The following CYP4F11 variants were observed in gnomAD, a reference collection of about 807,000 sequenced individuals.
CYP4F11 encodes the protein cytochrome P450 4F11.
Under a neutral mutation model 62.2 loss-of-function variants are expected in CYP4F11, and 79 were observed. The ratio of observed to expected loss-of-function variants is 1.27; its 90% confidence interval spans 1.06 to 1.53. The LOEUF is 1.53. Ranked by LOEUF, CYP4F11 falls within the 40% of genes most tolerant of loss-of-function variation. CYP4F11 has a pLI of 0.00. For synonymous variants in CYP4F11, 290 were observed against 263.7 expected (o/e 1.10, Z -0.97); for missense variants, 777 against 680.5 (o/e 1.14, Z -1.58).
At chr19:15,914,545 C>T in intron 10 of CYP4F11, 57 bp downstream of exon 10, 1 of 1,603,574 alleles carries the variant, frequency 6.2e-7, no homozygotes. Context: ...AACCCTGTCA[C>T]CTCCTCTAGG....
At position 15,913,477 on chromosome 19, in the gene CYP4F11, T is replaced by C; in HGVS notation, c.*255A>G. On this transcript the variant is annotated 3_prime_UTR_variant, in exon 12 of 12. Transcript: ENST00000402119. ...TGCTCAAACACCTCCCAGGGCTCCC[T>C]ACTGCCCACAGGATAAAGTTTTTAC... 1.9e-6 allele frequency: 1 copy of C among 514,460 alleles called. No individual in the cohort carries two copies. Among genetic ancestry groups the C allele is most frequent in the Non-Finnish European group, 3.5e-6 (1 of 284,126 alleles). 31.9% of individuals were successfully genotyped at this position (514,460 alleles called of 1,614,324 possible).
At position 15,913,825 on chromosome 19, in the gene CYP4F11, G is replaced by A. The variant is rs2089558039; in HGVS notation, c.1482C>T (p.Thr494=). The A allele has an allele frequency of 6.2e-7, 1 of 1,614,040 alleles. No individual in the cohort carries two copies. The highest frequency in any genetic ancestry group is 1.3e-5 in the African/African-American group (1 of 74,910). The change falls in exon 12 of 12, where the codon ACC becomes ACT. Residue 494 remains threonine, a synonymous_variant. Transcript: ENST00000402119. ...CGGGTTTCCTGCGGGGTTCAGTGTG[G>A]GTCGGCAGGATGCGGAAGTGCAGCA... ...LTLLHFRILP[T]HTEPRRKPEL...
chr19:15,913,858 C>A lies in CYP4F11; in HGVS notation c.1449G>T (p.Ala483=). The A allele has an allele frequency of 6.2e-7, 1 of 1,614,084 alleles. No homozygotes were observed. The highest frequency in any genetic ancestry group is 8.5e-7 in the Non-Finnish European group (1 of 1,180,000). The change falls in exon 12 of 12, where the codon GCG becomes GCT. Residue 483 remains alanine (A), a synonymous_variant. Transcript: ENST00000402119. ...GGATGCGGAAGTGCAGCAGGGTGAG[C>A]GCCAGGACCACCTTCATCTCAGCCA... is the stretch of plus-strand genomic sequence containing the variant. ...FAMAEMKVVL[A]LTLLHFRILP...
In CYP4F11 at chr19:15,934,514, G is replaced by T; in HGVS notation, c.-106C>A. The stretch of plus-strand genomic sequence containing the variant: ...GCAAGGATGGGCAGTGCTGGAGGCA[G>T]ATCAGGGAAGGCTCTGAGATGGGTA... On this transcript the variant is annotated 5_prime_UTR_variant, in exon 1 of 12. It adds an upstream start codon to the 5' untranslated region. Coordinates refer to ENST00000402119, the MANE Select transcript of CYP4F11 (RefSeq NM_021187.4). 1 of 1,335,550 alleles carries T rather than the reference G, an allele frequency of 7.5e-7. No individual in the cohort carries two copies. The highest frequency in any genetic ancestry group is 1.4e-5 in the South Asian group (1 of 71,412). 82.7% of individuals were successfully genotyped at this position (1,335,550 alleles called of 1,614,324 possible). A position where few individuals can be genotyped will look rare whatever the true frequency, so the allele number is the denominator to read the frequency against.
In CYP4F11 at chr19:15,912,567, A is replaced by G. The variant is rs12610962; in HGVS notation, c.*1165T>C. 0.51 allele frequency: 76,455 copies of G among 150,488 alleles called. 19,950 individuals are homozygous for G. The highest frequency in any genetic ancestry group is 0.57 in the Non-Finnish European group (38,596 of 67,692). 9.3% of individuals were successfully genotyped at this position (150,488 alleles called of 1,614,324 possible). A position where few individuals can be genotyped will look rare whatever the true frequency, so the allele number is the denominator to read the frequency against. ...ATGCAACATCCCTTAGGCTATGAAA[A>G]GAGATCAATGTTTGTAGCAGGATTT... On this transcript the variant is annotated 3_prime_UTR_variant, in exon 12 of 12. Coordinates refer to ENST00000402119, the MANE Select transcript of CYP4F11 (RefSeq NM_021187.4).
intron 5 of CYP4F11, 75 bp from the exon 6 acceptor site, chr19:15,924,157 C>T (rs1018056471): frequency 3.9e-6 from 6 of 1,519,152 alleles, no homozygotes; most frequent in African/African-American, 2.8e-5. Context: ...GAAGCTACTG[C>T]CCATCAGGAA....
rs927401264 is a variant in CYP4F11, at chr19:15,913,382, T to A, written c.*350A>T. On this transcript the variant is annotated 3_prime_UTR_variant, in exon 12 of 12. Transcript: ENST00000402119. ...GGACAGATGAAGGGATCTGCCCCTATGGTTGTTTCTCGCTGAATCAGAGTC... is the reference window on the plus strand; with the variant it reads ...GGACAGATGAAGGGATCTGCCCCTAAGGTTGTTTCTCGCTGAATCAGAGTC... 2.2e-5 allele frequency: 7 copies of A among 322,810 alleles called. No individual in the cohort carries two copies. Among genetic ancestry groups the A allele is most frequent in the Non-Finnish European group, 5.9e-6 (1 of 168,612 alleles). The allele number at this position is 322,810 out of a possible 1,614,324, so 20.0% of individuals were successfully genotyped here. A position where few individuals can be genotyped will look rare whatever the true frequency, so the allele number is the denominator to read the frequency against.
chr19:15,930,055 C>T (rs981788161), intron 1 of CYP4F11, among the ~76,000 whole-genome samples: 63 of 107,648 alleles, frequency 5.9e-4, no homozygotes, highest in Admixed American at 2.8e-3. Context: ...CTCTCTCTCA[C>T]GCTCTCTCTC....
rs750007485 is a variant in CYP4F11, at chr19:15,913,792, T to C, written c.1515A>G (p.Ile505Met). Residue 505 changes from isoleucine (I) to methionine (M), a missense_variant, in exon 12 of 12, where the codon ATA (isoleucine) becomes ATG (methionine). Physicochemically the swap from Ile to Met is conservative, Grantham distance 10. Coordinates refer to ENST00000402119, the MANE Select transcript of CYP4F11 (RefSeq NM_021187.4). ...HTEPRRKPEL[I>M]LRAEGGLWLR... Reference sequence around the variant, plus strand: ...GCCAAAGTCCACCCTCTGCGCGCAATATCAGCTCGGGTTTCCTGCGGGGTT... The same window carrying C: ...GCCAAAGTCCACCCTCTGCGCGCAACATCAGCTCGGGTTTCCTGCGGGGTT... 6 of 1,614,124 alleles carry C rather than the reference T, an allele frequency of 3.7e-6. No homozygotes were observed. In the South Asian group the frequency reaches 6.6e-5, roughly 18 times the overall value.
intron 4 of CYP4F11, among the ~76,000 whole-genome samples, chr19:15,926,149 G>A (rs1280077300): frequency 1.9e-5 from 2 of 107,636 alleles, no homozygotes; most frequent in African/African-American, 6.8e-5. Context: ...GAGTGACAGA[G>A]TGAGACTCCA....
At chr19:15,922,569 G>T (rs4808409) in intron 6 of CYP4F11, 139 bp from the exon 7 acceptor site, 359,590 of 842,284 alleles carry the variant, frequency 0.43, 81,594 homozygotes, top group Non-Finnish European at 0.47. Context: ...GATGTCTCTT[G>T]GTCACCACCA....
In CYP4F11 at chr19:15,934,214, G is replaced by A. The variant is rs377222653; in HGVS notation, c.195C>T (p.Gly65=). ...PKQNWFWGHQ[G]LVTPTEEGMK... is the part of the protein sequence containing the mutation. ...CCCGTCCTGCTGACAAACTCACCAGGCCCTGGTGTCCCCAAAACCAGTTCT... is the reference window on the plus strand; with the variant it reads ...CCCGTCCTGCTGACAAACTCACCAGACCCTGGTGTCCCCAAAACCAGTTCT... The change falls in exon 1 of 12, where the codon GGC becomes GGT. Residue 65 remains glycine (G), a synonymous_variant. Coordinates refer to ENST00000402119, the MANE Select transcript of CYP4F11 (RefSeq NM_021187.4). The A allele has an allele frequency of 9.3e-6, 15 of 1,613,228 alleles. No homozygotes were observed. Among genetic ancestry groups the A allele is most frequent in the East Asian group, 2.2e-5 (1 of 44,860 alleles).
At chr19:15,930,635 G>A (rs2089705936) in intron 1 of CYP4F11, among the ~76,000 whole-genome samples, 1 of 152,124 alleles carries the variant, frequency 6.6e-6, no homozygotes, top group African/African-American at 2.4e-5. Flanking sequence ...AAATACCAAA[G>A]CAGAGGGAGA....
chr19:15,926,986 G>C (rs1359445651), intron 4 of CYP4F11, among the ~76,000 whole-genome samples: 1 of 152,210 alleles, frequency 6.6e-6, no homozygotes, highest in Non-Finnish European at 1.5e-5. Flanking sequence ...ATTTCTGTGA[G>C]AGAAGCATGG....
chr19:15,931,581 C>CGGG (rs2089721405), intron 1 of CYP4F11, among the ~76,000 whole-genome samples: 1 of 55,778 alleles, frequency 1.8e-5, no homozygotes, highest in Non-Finnish European at 3.5e-5. Context: ...AATGAGTGAG[C>CGGG]GAGGAGAGGA....
At position 15,929,498 on chromosome 19, in the gene CYP4F11, A is replaced by T; in HGVS notation, c.302T>A (p.Leu101Ter). 1.2e-6 allele frequency: 2 copies of T among 1,614,104 alleles called. No homozygotes were observed. Among genetic ancestry groups the T allele is most frequent in the Non-Finnish European group, 1.7e-6 (2 of 1,179,986 alleles). ...AGGCCGGATAATGTCAGGGTGGCAT[A>T]AAATGAGGAGGGGGAAGGTAGGACC... ...WLGPTFPLLI[L>*]CHPDIIRPIT... Residue 101 changes from leucine to a stop codon, truncating the protein, a stop_gained, in exon 2 of 12, where the codon TTA (leucine) becomes TAA (stop). Transcript: ENST00000402119. LOFTEE classifies it high-confidence loss of function.
intron 1 of CYP4F11, 47 bp from the exon 2 acceptor site, chr19:15,929,648 G>A (rs1295721693): frequency 6.5e-6 from 10 of 1,535,316 alleles, no homozygotes; most frequent in Admixed American, 2.1e-5. Flanking sequence ...GTTAATTCTA[G>A]GCATCCTGAA....
chr19:15,918,616 T>C (rs1378498151), intron 8 of CYP4F11, among the ~76,000 whole-genome samples: 7 of 152,158 alleles, frequency 4.6e-5, no homozygotes, highest in Non-Finnish European at 1.0e-4. Flanking sequence ...TTCACACAAA[T>C]AAGCAATGGT....
Position 15,914,736 on chromosome 19 carries a change from G to A in CYP4F11, c.1249+26C>T, listed in dbSNP as rs746035586. On this transcript the variant is annotated intron_variant, in intron 9 of 11. Transcript: ENST00000402119. ...AGGGACCCCTCTTGCTACCCAGGAG[G>A]CTCCTCCCCCTGAGGCTGTGAGCAC... The A allele has an allele frequency of 5.6e-6, 9 of 1,613,784 alleles. No individual in the cohort carries two copies. The Admixed American group carries it at 1.0e-4, about 18-fold the overall frequency.
Sources: allele counts gnomAD v4.1 joint callset (sites outside exome capture counted in the v4.1 genomes callset), GRCh38; gene constraint gnomAD v4.1.1; transcripts MANE v1.5; gene names NCBI Gene and HGNC (gene_info 2026-07-23, HGNC 2026-07-21).